Variants in COL24A1 observed in about 807,000 individuals in gnomAD.
COL24A1 encodes the protein collagen type XXIV alpha 1 chain.
Under a neutral mutation model 253.9 loss-of-function variants are expected in COL24A1, and 224 were observed. The ratio of observed to expected loss-of-function variants is 0.88; its 90% CI spans 0.79 to 0.99. The LOEUF is 0.99. Ranked by LOEUF, COL24A1 falls within the 50% of genes least tolerant of loss-of-function variation. COL24A1 has a pLI of 0.00. For synonymous variants in COL24A1, 685 were observed against 673.7 expected (o/e 1.02, Z -0.26); for missense variants, 2,131 against 2,068.5 (o/e 1.03, Z -0.59).
intron 47 of COL24A1, among the ~76,000 whole-genome samples, chr1:85,812,131 C>T (rs1056000925): frequency 3.3e-5 from 5 of 152,140 alleles, no homozygotes; most frequent in Non-Finnish European, 5.9e-5. Context: ...ATTATGAACT[C>T]GGTAATAATC....
chr1:85,865,960 A>T (rs975638184), intron 37 of COL24A1, among the ~76,000 whole-genome samples: 1 of 152,232 alleles, frequency 6.6e-6, no homozygotes, highest in African/African-American at 2.4e-5. Context: ...GAGGCTTAGA[A>T]AATAAAGAAA....
chr1:85,981,205 C>T (rs181792719), intron 20 of COL24A1, among the ~76,000 whole-genome samples: 2 of 152,154 alleles, frequency 1.3e-5, no homozygotes, highest in East Asian at 3.9e-4. Flanking sequence ...CAACACTAAG[C>T]AAAAAGAACA....
chr1:85,849,041 G>T (rs987575233), intron 38 of COL24A1, among the ~76,000 whole-genome samples: 1 of 152,030 alleles, frequency 6.6e-6, no homozygotes, highest in Non-Finnish European at 1.5e-5. Context: ...AGCACAAATG[G>T]TATAGTATTT....
intron 47 of COL24A1, among the ~76,000 whole-genome samples, chr1:85,815,154 C>T (rs1672931560): frequency 6.6e-6 from 1 of 152,138 alleles, no homozygotes; most frequent in South Asian, 2.1e-4. Context: ...AAATCTTATT[C>T]AAAGCAACAG....
At chr1:86,063,540 T>A (rs1261388893) in intron 8 of COL24A1, among the ~76,000 whole-genome samples, 175 bp downstream of exon 8, 1 of 151,978 alleles carries the variant, frequency 6.6e-6, no homozygotes, top group Non-Finnish European at 1.5e-5. Flanking sequence ...TATGTTATAG[T>A]TTTTTAAATA....
intron 52 of COL24A1, among the ~76,000 whole-genome samples, chr1:85,779,238 G>A (rs1431977977): frequency 6.6e-6 from 1 of 152,084 alleles, no homozygotes; most frequent in Admixed American, 6.6e-5. Flanking sequence ...CTTATAGCAG[G>A]AGGATACTCA....
intron 32 of COL24A1, among the ~76,000 whole-genome samples, chr1:85,882,326 T>C (rs1011796683): frequency 6.6e-6 from 1 of 152,080 alleles, no homozygotes; most frequent in African/African-American, 2.4e-5. Flanking sequence ...TAGCCGGGCA[T>C]GGTGGCGGGC....
Position 85,758,887 on chromosome 1 carries a change from G to A in COL24A1, c.4437+2509C>T, listed in dbSNP as rs1238571968. Among the ~76,000 whole-genome samples the A allele has an allele frequency of 7.2e-5, 11 of 152,018 alleles. 1 individual carries two copies. The highest frequency in any genetic ancestry group is 1.6e-4 in the Non-Finnish European group (11 of 67,978). On this transcript the variant is annotated intron_variant, in intron 55 of 59. Transcript: ENST00000370571. ...TCATTTAAAAATATACAATTCAGTT[G>A]TCTTTAGTAGATTCACAACGTTGTT...
intron 20 of COL24A1, among the ~76,000 whole-genome samples, chr1:85,975,787 CTG>C (rs1470778806): frequency 6.6e-6 from 1 of 152,184 alleles, no homozygotes; most frequent in Non-Finnish European, 1.5e-5. Flanking sequence ...AGCAAAAAAA[CTG>C]TGAGTTCCCA....
intron 32 of COL24A1, among the ~76,000 whole-genome samples, 199 bp from the exon 33 acceptor site, chr1:85,877,374 G>T (rs2102618887): frequency 6.6e-6 from 1 of 152,118 alleles, no homozygotes; most frequent in Admixed American, 6.5e-5. Context: ...GTGTGTTTTT[G>T]TTTTTGAGAC....
chr1:85,970,238 G>T lies in COL24A1; in HGVS notation c.2452C>A (p.Leu818Met), dbSNP rs747465924. 3.8e-6 allele frequency: 6 copies of T among 1,590,056 alleles called. No individual in the cohort carries two copies. Among genetic ancestry groups the T allele is most frequent in the Non-Finnish European group, 4.3e-6 (5 of 1,169,350 alleles). Residue 818 changes from leucine (L) to methionine (M), a missense_variant, in exon 22 of 60, where the codon CTG becomes ATG. Physicochemically the swap from Leu to Met is conservative, Grantham distance 15. Transcript: ENST00000370571. ...TATATGATACCTACTCTTGGCCCCAGTTCCCCAAAGGCTCCAATTGGTCCT... is the reference window on the plus strand; with the variant it reads ...TATATGATACCTACTCTTGGCCCCATTTCCCCAAAGGCTCCAATTGGTCCT... The part of the protein sequence containing the change: ...EEGPIGAFGE[L>M]GPRGKPGQKG...
chr1:86,094,431 G>C (rs1449144362), intron 5 of COL24A1, among the ~76,000 whole-genome samples: 1 of 151,998 alleles, frequency 6.6e-6, no homozygotes, highest in East Asian at 1.9e-4. Flanking sequence ...TTATAAGTGA[G>C]AGCTAAATGA....
At chr1:86,021,376 A>G (rs1332732194) in intron 18 of COL24A1, among the ~76,000 whole-genome samples, 1 of 152,154 alleles carries the variant, frequency 6.6e-6, no homozygotes, top group African/African-American at 2.4e-5. Context: ...TAAAATATTA[A>G]ACCCTAAAAC....
chr1:85,860,601 C>T (rs1027139366), intron 37 of COL24A1, among the ~76,000 whole-genome samples: 4 of 152,028 alleles, frequency 2.6e-5, no homozygotes, highest in South Asian at 4.2e-4. Flanking sequence ...ATTAGCCAGG[C>T]GTGGTGGTGG....
At chr1:85,896,124 CTAGCATA>C in intron 29 of COL24A1, 59 bp from the exon 30 acceptor site, 1 of 1,473,908 alleles carries the variant, frequency 6.8e-7, no homozygotes, top group Non-Finnish European at 9.3e-7. Context: ...TCTTACTATG[CTAGCATA>C]TGCTAGCATA....
chr1:85,735,880 T>C (rs527299421), intron 58 of COL24A1, among the ~76,000 whole-genome samples: 1 of 151,344 alleles, frequency 6.6e-6, no homozygotes, highest in African/African-American at 2.4e-5. Context: ...TATGAGGTAA[T>C]GTAGAAGAAA....
intron 35 of COL24A1, 64 bp downstream of exon 35, chr1:85,874,585 A>G (rs1019651146): frequency 1.4e-6 from 2 of 1,432,064 alleles, no homozygotes; most frequent in African/African-American, 2.9e-5. Flanking sequence ...GTTTCGAATA[A>G]TAAGTTTTGA....
At chr1:85,797,207 CAAAAAAAAAA>C (rs1181001829) in intron 47 of COL24A1, among the ~76,000 whole-genome samples, 5 of 66,176 alleles carry the variant, frequency 7.6e-5, no homozygotes, top group Non-Finnish European at 1.1e-4. Context: ...GACTCCGTCT[CAAAAAAAAAA>C]AAAAAAAAAA....
At chr1:86,070,660 G>A (rs1409426527) in intron 7 of COL24A1, among the ~76,000 whole-genome samples, 1 of 152,116 alleles carries the variant, frequency 6.6e-6, no homozygotes, top group African/African-American at 2.4e-5. Flanking sequence ...AAACCATACA[G>A]GCCAGGAGAG....
Sources: allele counts gnomAD v4.1 joint callset (sites outside exome capture counted in the v4.1 genomes callset), GRCh38; gene constraint gnomAD v4.1.1; transcripts MANE v1.5; gene names NCBI Gene and HGNC (gene_info 2026-07-23, HGNC 2026-07-21).